The following SMARCC1 variants were observed in gnomAD, a reference collection of about 807,000 sequenced individuals.
The protein encoded by SMARCC1 is SWI/SNF complex subunit SMARCC1.
SMARCC1 carries 43 observed loss-of-function variants against 147.4 expected under a neutral mutation model. The ratio of observed to expected loss-of-function variants is 0.29; its 90% CI spans 0.23 to 0.38. The LOEUF is 0.38. Among genes scored for constraint, SMARCC1 ranks in the 10% least tolerant of loss-of-function variants. The pLI is 1.00. For synonymous variants in SMARCC1, 495 were observed against 484.4 expected (o/e 1.02, Z -0.29); for missense variants, 1,119 against 1,381.1 (o/e 0.81, Z 3.01).
intron 18 of SMARCC1, among the ~76,000 whole-genome samples, chr3:47,673,411 A>AGGGG (rs2033530006): frequency 1.1e-5 from 1 of 88,596 alleles, no homozygotes; most frequent in Non-Finnish European, 2.4e-5. Flanking sequence ...GGGGGGGGGC[A>AGGGG]GGCCAGTGGC....
At position 47,588,239 on chromosome 3, in the gene SMARCC1, A is replaced by G; in HGVS notation, c.3288T>C (p.Ala1096=). 1 of 1,613,740 alleles carries G rather than the reference A, an allele frequency of 6.2e-7. No individual in the cohort carries two copies. The highest frequency in any genetic ancestry group is 8.5e-7 in the Non-Finnish European group (1 of 1,179,838). The stretch of plus-strand genomic sequence containing the variant: ...GAGCAGCTGAGGCTGGCGGGCCAGG[A>G]GCAGGAGGCGGAGGGACCCCATCTG... The part of the protein sequence containing the change: ...PPADGVPPPP[A]PGPPASAAP The change falls in exon 28 of 28, where the codon GCT becomes GCC. Residue 1096 remains alanine (A), a synonymous_variant. Transcript: ENST00000254480.
chr3:47,776,838 G>T (rs958661643), intron 1 of SMARCC1, among the ~76,000 whole-genome samples: 1 of 151,470 alleles, frequency 6.6e-6, no homozygotes, highest in Non-Finnish European at 1.5e-5. Flanking sequence ...AAAATGGCGC[G>T]ATCTCAGCTC....
intron 2 of SMARCC1, among the ~76,000 whole-genome samples, chr3:47,766,805 G>A (rs1000131299): frequency 2.0e-5 from 3 of 152,026 alleles, no homozygotes; most frequent in Non-Finnish European, 4.4e-5. Flanking sequence ...CTTATGAAAT[G>A]CTTGGTTCTT....
chr3:47,607,536 T>C (rs1304560067), intron 26 of SMARCC1, among the ~76,000 whole-genome samples: 2 of 152,114 alleles, frequency 1.3e-5, no homozygotes, highest in African/African-American at 2.4e-5. Context: ...TAGACTAACA[T>C]AAAACACAGC....
intron 16 of SMARCC1, among the ~76,000 whole-genome samples, chr3:47,677,076 A>G (rs1455108886): frequency 6.6e-6 from 1 of 152,140 alleles, no homozygotes; most frequent in African/African-American, 2.4e-5. Flanking sequence ...GAACTCACAC[A>G]TAGACCAAAT....
Position 47,701,263 on chromosome 3 carries a change from C to T in SMARCC1, c.1165+15G>A. The T allele has an allele frequency of 3.7e-6, 6 of 1,608,946 alleles. No homozygotes were observed. The highest frequency in any genetic ancestry group is 1.7e-4 in the Middle Eastern group (1 of 6,052). ...CTAAATTAAATCTAACACTCTCATG[C>T]AGAAGAATACAAACCATTTTTGGGA... On this transcript the variant is annotated intron_variant, in intron 11 of 27. Transcript: ENST00000254480.
rs2033718477 is a variant in SMARCC1 at position 47,686,051 on chromosome 3, G to C, written c.1383C>G (p.Asn461Lys). ...IPSYASWFDY[N>K]CIHVIERRAL... ...ACAGATGGAAGTGGTCCACTCACCAGTTATAATCAAACCATGATGCATAAC... is the reference window on the plus strand; with the variant it reads ...ACAGATGGAAGTGGTCCACTCACCACTTATAATCAAACCATGATGCATAAC... The change falls in exon 14 of 28, where the codon AAC becomes AAG. Residue 461 changes from asparagine to lysine, a missense_variant and splice_region_variant. Physicochemically the swap from Asn to Lys is moderately conservative, Grantham distance 94. Transcript: ENST00000254480. 1 of 1,611,834 alleles carries C rather than the reference G, an allele frequency of 6.2e-7. No individual in the cohort carries two copies. Among genetic ancestry groups the C allele is most frequent in the Non-Finnish European group, 8.5e-7 (1 of 1,178,586 alleles).
rs777091962 is a variant in SMARCC1 at position 47,686,205 on chromosome 3, G to A, written c.1264-35C>T. 9.5e-5 allele frequency: 149 copies of A among 1,562,448 alleles called. 1 individual carries two copies. The highest frequency in any genetic ancestry group is 1.2e-4 in the Non-Finnish European group (140 of 1,138,442). Reference sequence around the variant, plus strand: ...AGAAGACAAAGTTCAAAGAAAGAAAGAACTACAGAGAGAGATATATATAAC... The same window carrying A: ...AGAAGACAAAGTTCAAAGAAAGAAAAAACTACAGAGAGAGATATATATAAC... On this transcript the variant is annotated intron_variant, in intron 13 of 27. Transcript: ENST00000254480.
chr3:47,770,048 A>AC (rs2034888530), intron 2 of SMARCC1, among the ~76,000 whole-genome samples: 1 of 151,506 alleles, frequency 6.6e-6, no homozygotes, highest in African/African-American at 2.4e-5. Flanking sequence ...ACACAGTGAA[A>AC]CCCCGTCTCT....
chr3:47,624,934 T>C (rs1424768337), intron 24 of SMARCC1, among the ~76,000 whole-genome samples: 1 of 145,302 alleles, frequency 6.9e-6, no homozygotes, highest in Admixed American at 7.0e-5. Flanking sequence ...TGGTGGCACA[T>C]GCCTGTGATC....
chr3:47,743,300 T>C (rs191440516), intron 3 of SMARCC1, among the ~76,000 whole-genome samples: 2 of 152,314 alleles, frequency 1.3e-5, no homozygotes, highest in Admixed American at 1.3e-4. Context: ...CACATAACTA[T>C]ACCTGAAAGG....
At chr3:47,643,818 C>G (rs537853323) in intron 21 of SMARCC1, among the ~76,000 whole-genome samples, 1 of 152,198 alleles carries the variant, frequency 6.6e-6, no homozygotes, top group East Asian at 1.9e-4. Flanking sequence ...AAATACATAA[C>G]CTGCATTAAG....
chr3:47,667,206 T>C (rs2033431529), intron 19 of SMARCC1, among the ~76,000 whole-genome samples: 1 of 151,648 alleles, frequency 6.6e-6, no homozygotes, highest in African/African-American at 2.4e-5. Flanking sequence ...TAGTCCCAGC[T>C]ACTTGGGAGG....
intron 6 of SMARCC1, among the ~76,000 whole-genome samples, chr3:47,723,865 G>A (rs1031177126): frequency 7.2e-5 from 11 of 151,940 alleles, no homozygotes; most frequent in Non-Finnish European, 1.6e-4. Context: ...ACTTGAGTAG[G>A]TATTTCTCCA....
intron 1 of SMARCC1, among the ~76,000 whole-genome samples, chr3:47,781,307 A>G (rs1205575721): frequency 6.6e-6 from 1 of 152,158 alleles, no homozygotes; most frequent in African/African-American, 2.4e-5. Flanking sequence ...GCAGCTGACA[A>G]AAGAGAGAGA....
rs2032055192 is a variant in SMARCC1 at position 47,585,364 on chromosome 3, CTCTT to C, written c.*2841_*2844del. The C allele has an allele frequency of 6.6e-6, 1 of 152,248 alleles. No homozygotes were observed. Among genetic ancestry groups the C allele is most frequent in the African/African-American group, 2.4e-5 (1 of 41,456 alleles). The allele number at this position is 152,248 out of a possible 1,614,324, so 9.4% of individuals were successfully genotyped here. Reference sequence around the variant, plus strand: ...TGGTGAGACCCAGCTGGCTTTGGCTCTCTTTATTAGAGGCACACCTTCGTGAAGA... The same window carrying C: ...TGGTGAGACCCAGCTGGCTTTGGCTCTATTAGAGGCACACCTTCGTGAAGA... On this transcript the variant is annotated 3_prime_UTR_variant, in exon 28 of 28. Coordinates refer to ENST00000254480, the MANE Select transcript of SMARCC1 (RefSeq NM_003074.4).
intron 21 of SMARCC1, among the ~76,000 whole-genome samples, chr3:47,654,555 TGAAACTAGATAACTTATAAA>T (rs1679304030): frequency 6.6e-6 from 1 of 152,200 alleles, no homozygotes; most frequent in African/African-American, 2.4e-5. Context: ...AAAGCCTATC[TGAAACTAGATAACTTATAAA>T]GAAAAAGGGT....
At chr3:47,602,967 T>C (rs939619181) in intron 26 of SMARCC1, among the ~76,000 whole-genome samples, 3 of 152,146 alleles carry the variant, frequency 2.0e-5, no homozygotes, top group African/African-American at 4.8e-5. Context: ...CTGGGCAACA[T>C]AGTGAGACCT....
At chr3:47,609,931 T>C in intron 26 of SMARCC1, 135 bp downstream of exon 26, 1 of 938,708 alleles carries the variant, frequency 1.1e-6, no homozygotes, top group South Asian at 1.6e-5. Context: ...CTCACATGCC[T>C]ACAATTTTCT....
Sources: allele counts gnomAD v4.1 joint callset (sites outside exome capture counted in the v4.1 genomes callset), GRCh38; gene constraint gnomAD v4.1.1; transcripts MANE v1.5; gene names NCBI Gene and HGNC (gene_info 2026-07-23, HGNC 2026-07-21).